Variants in TMPRSS15 observed in about 807,000 individuals in gnomAD.
The protein encoded by TMPRSS15 is transmembrane serine protease 15.
In TMPRSS15, 128 loss-of-function variants were observed where a neutral mutation model predicts 125.3. The observed-to-expected ratio is 1.02, with a 90% confidence interval of 0.89 to 1.18. The LOEUF (loss-of-function observed/expected upper bound fraction) is 1.18. Ranked by LOEUF, TMPRSS15 falls within the 50% of genes most tolerant of loss-of-function variation. The pLI, the probability that TMPRSS15 is intolerant of heterozygous loss-of-function variation, is 0.00. For synonymous variants in TMPRSS15, 446 were observed against 423.2 expected (o/e 1.05, Z -0.66); for missense variants, 1,283 against 1,212.7 (o/e 1.06, Z -0.86).
At chr21:18,445,774 C>A (rs1281321580) in intron 1 of TMPRSS15, among the ~76,000 whole-genome samples, 1 of 152,166 alleles carries the variant, frequency 6.6e-6, no homozygotes, top group East Asian at 1.9e-4. Flanking sequence ...TATGATAAAA[C>A]CTGCCAACAA....
chr21:18,482,541 C>T (rs1304308610), intron 1 of TMPRSS15, among the ~76,000 whole-genome samples: 1 of 151,600 alleles, frequency 6.6e-6, no homozygotes, highest in Non-Finnish European at 1.5e-5. Context: ...ATACCACATG[C>T]ACCCCATAAA....
chr21:18,437,398 T>G (rs1436408351), intron 1 of TMPRSS15, among the ~76,000 whole-genome samples: 1 of 152,086 alleles, frequency 6.6e-6, no homozygotes. Flanking sequence ...GCATTACCAT[T>G]CAGGACATAG....
chr21:18,279,737 T>A (rs1016291526), intron 22 of TMPRSS15, among the ~76,000 whole-genome samples: 1 of 152,156 alleles, frequency 6.6e-6, no homozygotes, highest in African/African-American at 2.4e-5. Flanking sequence ...GTGGTGCCAG[T>A]TCTCTGAAAA....
intron 8 of TMPRSS15, among the ~76,000 whole-genome samples, chr21:18,359,251 A>G (rs1342587599): frequency 6.6e-6 from 1 of 152,024 alleles, no homozygotes; most frequent in African/African-American, 2.4e-5. Context: ...TTATATAGTA[A>G]CAATACCATC....
intron 16 of TMPRSS15, among the ~76,000 whole-genome samples, chr21:18,318,461 G>A (rs56243729): frequency 1.3e-5 from 2 of 152,232 alleles, no homozygotes; most frequent in Non-Finnish European, 2.9e-5. Context: ...ACATTGGAAC[G>A]ATGGGAAGAT....
intron 4 of TMPRSS15, among the ~76,000 whole-genome samples, chr21:18,382,080 C>T (rs572090758): frequency 1.3e-5 from 2 of 151,694 alleles, no homozygotes; most frequent in Non-Finnish European, 2.9e-5. Flanking sequence ...TACAAACAAA[C>T]TAGTATAAAG....
intron 1 of TMPRSS15, among the ~76,000 whole-genome samples, chr21:18,437,263 G>C (rs1433402515): frequency 1.3e-5 from 2 of 151,654 alleles, no homozygotes; most frequent in East Asian, 3.9e-4. Flanking sequence ...GGGAAAACTG[G>C]CTAGCCATAT....
intron 1 of TMPRSS15, among the ~76,000 whole-genome samples, chr21:18,412,969 A>G (rs544880109): frequency 6.6e-6 from 1 of 152,316 alleles, no homozygotes; most frequent in East Asian, 1.9e-4. Flanking sequence ...TTAAATAAAT[A>G]TAATTGTGGT....
intron 1 of TMPRSS15, among the ~76,000 whole-genome samples, chr21:18,467,476 C>T (rs1418800399): frequency 6.6e-6 from 1 of 151,924 alleles, no homozygotes; most frequent in African/African-American, 2.4e-5. Context: ...GACAAGAATG[C>T]ATTCTTTTGA....
At chr21:18,369,974 GA>G (rs67549160) in intron 6 of TMPRSS15, among the ~76,000 whole-genome samples, 2 of 141,984 alleles carry the variant, frequency 1.4e-5, no homozygotes, top group African/African-American at 5.2e-5. Context: ...TTACTTAAAC[GA>G]AAAAAAAAAA....
At chr21:18,429,933 C>T (rs2076212883) in intron 1 of TMPRSS15, among the ~76,000 whole-genome samples, 1 of 152,068 alleles carries the variant, frequency 6.6e-6, no homozygotes, top group Non-Finnish European at 1.5e-5. Context: ...TGTATTTTTG[C>T]TCAAATAATT....
chr21:18,380,253 T>G (rs934031464), intron 4 of TMPRSS15, among the ~76,000 whole-genome samples: 1 of 151,544 alleles, frequency 6.6e-6, no homozygotes, highest in African/African-American at 2.4e-5. Context: ...ATCTCTCATA[T>G]GTAACACACA....
intron 1 of TMPRSS15, among the ~76,000 whole-genome samples, chr21:18,482,382 G>A (rs1039102696): frequency 4.0e-5 from 6 of 151,182 alleles, no homozygotes; most frequent in African/African-American, 9.7e-5. Context: ...AGGGTATGGC[G>A]ACTATATTTA....
chr21:18,359,833 G>C lies in TMPRSS15; in HGVS notation c.804C>G (p.Ser268Arg). 1.3e-6 allele frequency: 2 copies of C among 1,533,236 alleles called. No homozygotes were observed. The highest frequency in any genetic ancestry group is 1.8e-6 in the Non-Finnish European group (2 of 1,108,964). 95.0% of individuals were successfully genotyped at this position (1,533,236 alleles called of 1,614,324 possible). A position where few individuals can be genotyped will look rare whatever the true frequency, so the allele number is the denominator to read the frequency against. The change falls in exon 8 of 25, where the codon AGC becomes AGG. Residue 268 changes from serine (S) to arginine (R), a missense_variant. Physicochemically the swap from Ser to Arg is moderately radical, Grantham distance 110 (BLOSUM62 -1). Transcript: ENST00000284885. The stretch of plus-strand genomic sequence containing the variant: ...TATAATATGTATTAAAATCATCGAA[G>C]CTCAGTTTAATGGAAAGTCCTTGGT... ...RVNQGLSIKL[S>R]FDDFNTYYTD...
At position 18,275,234 on chromosome 21, in the gene TMPRSS15, C is replaced by T. The variant is rs754358970; in HGVS notation, c.2867G>A (p.Cys956Tyr). The change falls in exon 24 of 25, where the codon TGT becomes TAT. Residue 956 changes from cysteine to tyrosine, a missense_variant. By Grantham distance (194) the Cys-to-Tyr change is radical (BLOSUM62 -2). Transcript: ENST00000284885. Reference protein sequence around the residue: ...PEYNITENMICAGYEEGGIDS... With the variant: ...PEYNITENMIYAGYEEGGIDS... ...TATTCCTCCTTCTTCATAGCCTGCA[C>T]ATATCATATTTTCAGTAATGTTATA... is the stretch of plus-strand genomic sequence containing the variant. The T allele has an allele frequency of 1.9e-6, 3 of 1,614,100 alleles. No individual in the cohort carries two copies. The highest frequency in any genetic ancestry group is 4.5e-5 in the East Asian group (2 of 44,872).
intron 1 of TMPRSS15, among the ~76,000 whole-genome samples, chr21:18,472,854 G>C (rs1169452284): frequency 6.6e-6 from 1 of 152,040 alleles, no homozygotes; most frequent in African/African-American, 2.4e-5. Context: ...TGACCTTGTT[G>C]AAAATGTGAA....
At chr21:18,326,676 T>A (rs951058482) in intron 15 of TMPRSS15, 104 bp from the exon 16 acceptor site, 4 of 1,349,760 alleles carry the variant, frequency 3.0e-6, no homozygotes, top group African/African-American at 1.4e-5. Flanking sequence ...GGCTACATGT[T>A]ACATGGCTCG....
At chr21:18,374,679 C>T (rs1281541683) in intron 5 of TMPRSS15, among the ~76,000 whole-genome samples, 1 of 152,036 alleles carries the variant, frequency 6.6e-6, no homozygotes, top group Non-Finnish European at 1.5e-5. Context: ...TTACATATAT[C>T]TGCAATATGA....
chr21:18,409,872 C>A (rs1475698752), intron 1 of TMPRSS15, among the ~76,000 whole-genome samples: 58 of 105,306 alleles, frequency 5.5e-4, no homozygotes, highest in African/African-American at 1.9e-3. Flanking sequence ...CTCCCTCCCT[C>A]CCTTCCCTCC....
Sources: allele counts gnomAD v4.1 joint callset (sites outside exome capture counted in the v4.1 genomes callset), GRCh38; gene constraint gnomAD v4.1.1; transcripts MANE v1.5; gene names NCBI Gene and HGNC (gene_info 2026-07-23, HGNC 2026-07-21).